The following MAGI2 variants were observed in gnomAD, a reference collection of about 807,000 sequenced individuals.
MAGI2 encodes the protein membrane associated guanylate kinase, WW and PDZ domain containing 2.
Under a neutral mutation model 133.3 loss-of-function variants are expected in MAGI2, and 35 were observed. The ratio of observed to expected loss-of-function variants is 0.26; its 90% confidence interval spans 0.20 to 0.35. MAGI2 has a LOEUF of 0.35. MAGI2 is among the 10% of genes least tolerant of loss of function. MAGI2 has a pLI of 1.00. For missense variants in MAGI2, 1,636 were observed against 1,863.4 expected (o/e 0.88, Z 2.25); for synonymous variants, 729 against 710.6 (o/e 1.03, Z -0.41).
At chr7:78,308,534 T>C (rs918261058) in intron 9 of MAGI2, among the ~76,000 whole-genome samples, 8 of 152,046 alleles carry the variant, frequency 5.3e-5, no homozygotes, top group African/African-American at 1.9e-4. Context: ...CATCTTTTTT[T>C]TTTTCTTTTT....
chr7:78,391,224 A>G (rs1795873053), intron 6 of MAGI2, among the ~76,000 whole-genome samples: 3 of 152,228 alleles, frequency 2.0e-5, no homozygotes, highest in Non-Finnish European at 4.4e-5. Context: ...TGTACTACAG[A>G]TATAGTGAAT....
chr7:78,899,139 C>A (rs983220373), intron 2 of MAGI2, among the ~76,000 whole-genome samples: 3 of 152,038 alleles, frequency 2.0e-5, no homozygotes, highest in African/African-American at 7.2e-5. Flanking sequence ...AAACAGAAAA[C>A]AAGACACTTC....
chr7:78,077,530 G>A (rs2868838), intron 21 of MAGI2, among the ~76,000 whole-genome samples: 31,244 of 149,294 alleles, frequency 0.21, 3,760 homozygotes, highest in East Asian at 0.48. Context: ...TTGACTCACT[G>A]TGAAGGCTTG....
At chr7:79,372,838 A>G (rs183139243) in intron 1 of MAGI2, among the ~76,000 whole-genome samples, 4 of 152,100 alleles carry the variant, frequency 2.6e-5, no homozygotes, top group Non-Finnish European at 5.9e-5. Flanking sequence ...CCCTATGAGC[A>G]GATTCACTGA....
intron 3 of MAGI2, among the ~76,000 whole-genome samples, chr7:78,600,676 A>G (rs1291812164): frequency 6.6e-6 from 1 of 152,172 alleles, no homozygotes; most frequent in Non-Finnish European, 1.5e-5. Flanking sequence ...ATATTTACAT[A>G]ATTATAATTA....
At chr7:78,673,401 C>G (rs559920220) in intron 2 of MAGI2, among the ~76,000 whole-genome samples, 66 of 152,084 alleles carry the variant, frequency 4.3e-4, no homozygotes, top group African/African-American at 1.5e-3. Flanking sequence ...CTGCAGTCAG[C>G]AAGCTTGAGA....
chr7:78,681,192 G>A (rs1276112596), intron 2 of MAGI2, among the ~76,000 whole-genome samples: 1 of 152,042 alleles, frequency 6.6e-6, no homozygotes, highest in Non-Finnish European at 1.5e-5. Flanking sequence ...GCCTCATGAG[G>A]GGGTGAAACT....
chr7:79,182,241 C>A (rs1032389637), intron 1 of MAGI2, among the ~76,000 whole-genome samples: 1 of 151,886 alleles, frequency 6.6e-6, no homozygotes, highest in Non-Finnish European at 1.5e-5. Context: ...TGAGACTGGG[C>A]AATTTACAAA....
chr7:78,390,200 T>C (rs987679743), intron 6 of MAGI2, among the ~76,000 whole-genome samples: 1 of 152,188 alleles, frequency 6.6e-6, no homozygotes, highest in African/African-American at 2.4e-5. Flanking sequence ...CCATTAGACA[T>C]AGAATTTATT....
At chr7:79,421,389 T>A (rs1429885439) in intron 1 of MAGI2, among the ~76,000 whole-genome samples, 4 of 152,002 alleles carry the variant, frequency 2.6e-5, no homozygotes, top group Non-Finnish European at 5.9e-5. Context: ...ATTATTATCA[T>A]TAGCCTTCCA....
chr7:78,868,144 CTATAAA>C (rs931551300), intron 2 of MAGI2, among the ~76,000 whole-genome samples: 3 of 151,986 alleles, frequency 2.0e-5, no homozygotes, highest in African/African-American at 7.3e-5. Flanking sequence ...GGAAAGTAAA[CTATAAA>C]TATAAAGAAT....
chr7:78,221,039 C>T (rs1788777437), intron 10 of MAGI2, among the ~76,000 whole-genome samples: 1 of 152,192 alleles, frequency 6.6e-6, no homozygotes, highest in Non-Finnish European at 1.5e-5. Flanking sequence ...TTCCTTGGCT[C>T]ACTATGCCAT....
chr7:78,878,515 A>C (rs992571926), intron 2 of MAGI2, among the ~76,000 whole-genome samples: 1 of 152,220 alleles, frequency 6.6e-6, no homozygotes, highest in Admixed American at 6.5e-5. Flanking sequence ...GATTTGCTTA[A>C]GACAGTCAAT....
intron 1 of MAGI2, among the ~76,000 whole-genome samples, chr7:79,300,356 GA>G (rs1366855468): frequency 6.6e-6 from 1 of 152,204 alleles, no homozygotes; most frequent in Non-Finnish European, 1.5e-5. Flanking sequence ...TTGGAAACTG[GA>G]GCACAGGTCA....
At chr7:79,252,774 T>A (rs553643331) in intron 1 of MAGI2, among the ~76,000 whole-genome samples, 43 of 152,278 alleles carry the variant, frequency 2.8e-4, no homozygotes, top group Non-Finnish European at 1.3e-4. Context: ...AAAAATATTA[T>A]TTTATGACTT....
At chr7:79,010,279 T>A (rs1037394602) in intron 1 of MAGI2, among the ~76,000 whole-genome samples, 1 of 152,090 alleles carries the variant, frequency 6.6e-6, no homozygotes, top group Non-Finnish European at 1.5e-5. Context: ...TGTATGTATG[T>A]ATATATAATG....
intron 20 of MAGI2, among the ~76,000 whole-genome samples, chr7:78,111,463 G>A (rs1819352231): frequency 6.6e-6 from 1 of 152,142 alleles, no homozygotes; most frequent in South Asian, 2.1e-4. Flanking sequence ...TTTTGAAATG[G>A]TTCAAAGTTG....
Position 78,659,424 on chromosome 7 carries a change from C to CAAAAAAAAAAAAAAAAA in MAGI2, c.419-32202_419-32186dup, listed in dbSNP as rs71085553. On this transcript the variant is annotated intron_variant, in intron 2 of 21. Transcript: ENST00000354212. Reference sequence around the variant, plus strand: ...TGGGCAACAAAGTGAGACTTCATCTCAAAAAAAAAAAAAAAAAAAAAAAAA... The same window carrying CAAAAAAAAAAAAAAAAA: ...TGGGCAACAAAGTGAGACTTCATCTCAAAAAAAAAAAAAAAAAAAAAAAAAAAAAAAAAAAAAAAAAA... 1.3e-4 allele frequency among the ~76,000 whole-genome samples: 3 copies of CAAAAAAAAAAAAAAAAA among 23,676 alleles called. 1 individual carries two copies. The highest frequency in any genetic ancestry group is 2.1e-4 in the Non-Finnish European group (3 of 14,250). The allele number at this position is 23,676 out of a possible 152,430, so 15.5% of individuals were successfully genotyped here.
chr7:78,811,843 T>C (rs943800166), intron 2 of MAGI2, among the ~76,000 whole-genome samples: 1 of 152,210 alleles, frequency 6.6e-6, no homozygotes, highest in African/African-American at 2.4e-5. Flanking sequence ...CCTGTGTATC[T>C]ATTGCCTCAC....
Sources: gnomAD v4.1 joint callset for allele counts (sites outside exome capture counted in the v4.1 genomes callset) on GRCh38, gnomAD v4.1.1 for gene constraint, MANE v1.5 for transcripts, NCBI Gene and HGNC (gene_info 2026-07-23, HGNC 2026-07-21) for gene names.